The following CACNB4 variants were observed in gnomAD, a reference collection of about 807,000 sequenced individuals.
CACNB4 encodes calcium voltage-gated channel auxiliary subunit beta 4, also known as voltage-dependent L-type calcium channel subunit beta-4.
A neutral mutation model predicts 71.2 loss-of-function variants in CACNB4; 32 were observed. That is an observed-to-expected ratio of 0.45 (90% CI 0.34 to 0.60). The LOEUF is 0.60. Among genes scored for constraint, CACNB4 ranks in the 20% least tolerant of loss-of-function variants. The pLI, the probability that CACNB4 is intolerant of heterozygous loss-of-function variation, is 0.01. For missense variants in CACNB4, 464 were observed against 647.9 expected, an observed-to-expected ratio of 0.72 and a Z score of 3.08; for synonymous variants, 231 against 236.9, an observed-to-expected ratio of 0.97 and a Z score of 0.23.
chr2:151,896,424 T>C (rs1041593939), intron 2 of CACNB4, among the ~76,000 whole-genome samples: 1 of 152,246 alleles, frequency 6.6e-6, no homozygotes, highest in Non-Finnish European at 1.5e-5. Context: ...AGGTAAGAGC[T>C]ATGCCTACCC....
At chr2:151,882,720 T>C (rs746008308) in intron 3 of CACNB4, among the ~76,000 whole-genome samples, 7 of 152,212 alleles carry the variant, frequency 4.6e-5, no homozygotes, top group Non-Finnish European at 1.0e-4. Flanking sequence ...CCTCTTCTTG[T>C]GGAATATCTG....
At chr2:151,989,341 A>G (rs1184360532) in intron 2 of CACNB4, among the ~76,000 whole-genome samples, 2 of 152,136 alleles carry the variant, frequency 1.3e-5, no homozygotes, top group African/African-American at 4.8e-5. Flanking sequence ...TTTCTTCTCC[A>G]TTATTCATGT....
chr2:152,087,600 G>A (rs534851362), intron 2 of CACNB4, among the ~76,000 whole-genome samples: 1 of 151,504 alleles, frequency 6.6e-6, no homozygotes, highest in Admixed American at 6.6e-5. Flanking sequence ...CTATCCTCAC[G>A]CCAGCATCTA....
At chr2:151,895,586 T>C (rs754799994) in intron 2 of CACNB4, among the ~76,000 whole-genome samples, 3 of 151,992 alleles carry the variant, frequency 2.0e-5, no homozygotes, top group Non-Finnish European at 4.4e-5. Flanking sequence ...ACAGCTTGAA[T>C]TTTTACCTTC....
intron 2 of CACNB4, among the ~76,000 whole-genome samples, chr2:151,977,250 A>C (rs1319970892): frequency 6.6e-6 from 1 of 152,182 alleles, no homozygotes; most frequent in Non-Finnish European, 1.5e-5. Flanking sequence ...CATTATGATC[A>C]ACAGTTCAAA....
chr2:152,071,484 T>G (rs1188202341), intron 2 of CACNB4, among the ~76,000 whole-genome samples: 1 of 152,214 alleles, frequency 6.6e-6, no homozygotes, highest in Admixed American at 6.5e-5. Flanking sequence ...TTTTAATATC[T>G]ACACATTAGG....
chr2:151,928,614 T>C (rs2099860845), intron 2 of CACNB4, among the ~76,000 whole-genome samples: 1 of 152,116 alleles, frequency 6.6e-6, no homozygotes, highest in Admixed American at 6.6e-5. Flanking sequence ...CTTCGTTTGG[T>C]AAATAGTTCC....
At chr2:152,015,195 C>T (rs958162271) in intron 2 of CACNB4, among the ~76,000 whole-genome samples, 4 of 152,060 alleles carry the variant, frequency 2.6e-5, no homozygotes, top group Middle Eastern at 3.2e-3. Context: ...TGCAGTGGCA[C>T]GATCTCGGCT....
chr2:151,977,106 G>T (rs1307428743), intron 2 of CACNB4, among the ~76,000 whole-genome samples: 1 of 152,184 alleles, frequency 6.6e-6, no homozygotes, highest in Non-Finnish European at 1.5e-5. Flanking sequence ...TCTTGTGCTG[G>T]TGCTTCCCAG....
chr2:152,064,588 G>A (rs528214560), intron 2 of CACNB4, among the ~76,000 whole-genome samples: 9 of 152,112 alleles, frequency 5.9e-5, no homozygotes, highest in South Asian at 2.1e-4. Flanking sequence ...TCACCATGTT[G>A]GCCAGGCTAG....
chr2:151,973,391 T>C (rs937549538), intron 2 of CACNB4: 37 of 445,060 alleles, frequency 8.3e-5, no homozygotes, highest in Non-Finnish European at 1.1e-4. Context: ...CCTGGTGAGA[T>C]CAAACGTGGA....
intron 2 of CACNB4, among the ~76,000 whole-genome samples, chr2:151,937,300 G>T (rs1224187155): frequency 6.6e-6 from 1 of 152,102 alleles, no homozygotes; most frequent in Non-Finnish European, 1.5e-5. Context: ...TCTACCATTG[G>T]TGAAGTATTC....
intron 2 of CACNB4, among the ~76,000 whole-genome samples, chr2:152,066,311 A>G (rs2105352045): frequency 6.6e-6 from 1 of 152,168 alleles, no homozygotes; most frequent in Middle Eastern, 3.4e-3. Context: ...AAAACAAACA[A>G]CCCCATCAAA....
Position 152,001,526 on chromosome 2 carries a change from T to TAAAA in CACNB4, c.147+96800_147+96803dup, listed in dbSNP as rs70974816. On this transcript the variant is annotated intron_variant, in intron 2 of 13. Coordinates refer to ENST00000539935, the MANE Select transcript of CACNB4 (RefSeq NM_000726.5). ...CAACATGGTGAAACCCCATCTCTAC[T>TAAAA]AAAAAAAAAAAAAAAAAAAAAAAAA... Among the ~76,000 whole-genome samples the TAAAA allele has an allele frequency of 8.3e-3, 294 of 35,476 alleles. 9 individuals carry two copies. Among genetic ancestry groups the TAAAA allele is most frequent in the Non-Finnish European group, 0.011 (224 of 20,138 alleles). 23.3% of individuals were successfully genotyped at this position (35,476 alleles called of 152,430 possible).
chr2:151,924,050 G>A (rs921388020), intron 2 of CACNB4, among the ~76,000 whole-genome samples: 18 of 148,196 alleles, frequency 1.2e-4, no homozygotes, highest in South Asian at 4.3e-4. Flanking sequence ...ACATACATAC[G>A]TGCGTGTAAT....
chr2:152,023,275 G>A (rs1011492300), intron 2 of CACNB4, among the ~76,000 whole-genome samples: 4 of 152,070 alleles, frequency 2.6e-5, no homozygotes, highest in African/African-American at 9.7e-5. Context: ...ACCAGGCCCT[G>A]CCCTCAACAC....
chr2:151,998,315 C>CAAAAAAAAAAAAAAAAAAAAA (rs70974815), intron 2 of CACNB4, among the ~76,000 whole-genome samples: 2 of 110,720 alleles, frequency 1.8e-5, no homozygotes, highest in African/African-American at 8.0e-5. Flanking sequence ...ACTCCATCTC[C>CAAAAAAAAAAAAAAAAAAAAA]AAAAAAAAAA....
chr2:152,044,046 A>T (rs972194488), intron 2 of CACNB4, among the ~76,000 whole-genome samples: 1 of 152,096 alleles, frequency 6.6e-6, no homozygotes, highest in Non-Finnish European at 1.5e-5. Flanking sequence ...TCTCTTAAAA[A>T]TTTTTTTCAA....
At chr2:151,982,839 C>T (rs1181128958) in intron 2 of CACNB4, among the ~76,000 whole-genome samples, 1 of 152,088 alleles carries the variant, frequency 6.6e-6, no homozygotes, top group Non-Finnish European at 1.5e-5. Context: ...TGTTGAGCGG[C>T]TCAACCTGAC....
Sources: gnomAD v4.1 joint callset for allele counts (sites outside exome capture counted in the v4.1 genomes callset) on GRCh38, gnomAD v4.1.1 for gene constraint, MANE v1.5 for transcripts, NCBI Gene and HGNC (gene_info 2026-07-23, HGNC 2026-07-21) for gene names.